The following ARHGAP26 variants were observed in gnomAD, a reference collection of about 807,000 sequenced individuals.
ARHGAP26 encodes rho GTPase-activating protein 26.
ARHGAP26 carries 38 observed loss-of-function variants against 104.8 expected under a neutral mutation model. The ratio of observed to expected loss-of-function variants is 0.36; its 90% CI spans 0.28 to 0.48. The LOEUF is 0.48. Among genes scored for constraint, ARHGAP26 ranks in the 20% least tolerant of loss-of-function variants. ARHGAP26 has a pLI of 0.99. For synonymous variants in ARHGAP26, 341 were observed against 340.0 expected (o/e 1.00, Z -0.03); for missense variants, 704 against 947.9 (o/e 0.74, Z 3.38).
chr5:142,888,887 C>T (rs577488153), intron 5 of ARHGAP26, among the ~76,000 whole-genome samples: 25 of 152,250 alleles, frequency 1.6e-4, no homozygotes, highest in African/African-American at 3.1e-4. Context: ...TTCCAAGAAA[C>T]GCAGAATGGT....
At chr5:143,056,201 G>A in intron 16 of ARHGAP26, 115 bp downstream of exon 16, 1 of 819,944 alleles carries the variant, frequency 1.2e-6, no homozygotes. Context: ...CACATAAACT[G>A]GCCACATAAC....
rs535618545 is a variant in ARHGAP26, at chr5:142,873,835, TA to T, written c.250+341del. 5.3e-3 allele frequency among the ~76,000 whole-genome samples: 805 copies of T among 152,154 alleles called. 6 individuals carry two copies. Among genetic ancestry groups the T allele is most frequent in the African/African-American group, 0.018 (761 of 41,510 alleles). The stretch of plus-strand genomic sequence containing the variant: ...GCTTAGAGCATATGTAGAACACAGG[TA>T]GATGAGGGGAAATTTAGATCAGAGG... On this transcript the variant is annotated intron_variant, in intron 2 of 22. Transcript: ENST00000645722.
chr5:142,894,748 C>A (rs573351571), intron 6 of ARHGAP26, among the ~76,000 whole-genome samples: 21 of 152,180 alleles, frequency 1.4e-4, no homozygotes, highest in Non-Finnish European at 2.8e-4. Flanking sequence ...TAGTAGTCAC[C>A]CAAAGACATA....
At position 143,056,058 on chromosome 5, in the gene ARHGAP26, G is replaced by A; in HGVS notation, c.1404G>A (p.Gln468=). The A allele has an allele frequency of 1.9e-6, 3 of 1,613,236 alleles. No homozygotes were observed. The highest frequency in any genetic ancestry group is 2.5e-6 in the Non-Finnish European group (3 of 1,179,602). The part of the protein sequence containing the change: ...RMLPGPLMMY[Q]FQRSFIKAAK... ...TTCCAGGACCACTCATGATGTACCA[G>A]TTTCAAAGAAGTTTCATCAAAGCAG... The change falls in exon 16 of 23, where the codon CAG becomes CAA. Residue 468 remains glutamine (Q), a synonymous_variant. Coordinates refer to ENST00000645722, the MANE Select transcript of ARHGAP26 (RefSeq NM_001135608.3).
intron 1 of ARHGAP26, among the ~76,000 whole-genome samples, chr5:142,803,861 G>C (rs539137487): frequency 8.5e-5 from 13 of 152,322 alleles, no homozygotes; most frequent in African/African-American, 3.1e-4. Context: ...GAAGTCAAAG[G>C]CCTGGTCCTT....
In ARHGAP26 at chr5:143,041,830, G is replaced by A; in HGVS notation, c.1225G>A (p.Gly409Arg). 1.2e-6 allele frequency: 2 copies of A among 1,606,644 alleles called. No homozygotes were observed. The highest frequency in any genetic ancestry group is 1.7e-6 in the Non-Finnish European group (2 of 1,176,266). The part of the protein sequence containing the change: ...AVETRGINEQ[G>R]LYRIVGVNSR... ...TCTTTCCTCAGGGATCAACGAGCAAGGGCTGTATCGAATTGTGGGTGTCAA... is the reference window on the plus strand; with the variant it reads ...TCTTTCCTCAGGGATCAACGAGCAAAGGCTGTATCGAATTGTGGGTGTCAA... The change falls in exon 14 of 23, where the codon GGG becomes AGG. Residue 409 changes from glycine to arginine, a missense_variant. Transcript: ENST00000645722.
chr5:142,887,241 A>T (rs1412169153), intron 5 of ARHGAP26, among the ~76,000 whole-genome samples: 1 of 152,188 alleles, frequency 6.6e-6, no homozygotes, highest in Admixed American at 6.5e-5. Context: ...GAATTACCAC[A>T]GTGTAGGGAC....
intron 1 of ARHGAP26, among the ~76,000 whole-genome samples, chr5:142,862,750 TC>T (rs1177396402): frequency 6.6e-6 from 1 of 152,244 alleles, no homozygotes; most frequent in Non-Finnish European, 1.5e-5. Context: ...GCAAGGCCTT[TC>T]TTTTACTTAT....
intron 11 of ARHGAP26, among the ~76,000 whole-genome samples, chr5:142,982,031 C>T (rs940284441): frequency 6.6e-6 from 1 of 152,228 alleles, no homozygotes; most frequent in African/African-American, 2.4e-5. Context: ...TTTTTTGCTG[C>T]TGCTGCATGT....
intron 11 of ARHGAP26, among the ~76,000 whole-genome samples, chr5:142,992,078 T>C (rs1775700887): frequency 6.6e-6 from 1 of 152,148 alleles, no homozygotes; most frequent in Admixed American, 6.5e-5. Flanking sequence ...TTTTTGAATA[T>C]TCCCTATGGT....
intron 18 of ARHGAP26, among the ~76,000 whole-genome samples, chr5:143,126,087 A>G (rs969000998): frequency 6.6e-6 from 1 of 152,232 alleles, no homozygotes; most frequent in African/African-American, 2.4e-5. Flanking sequence ...AGAACTAACT[A>G]TAATACAGTG....
chr5:143,048,083 A>G (rs553196010), intron 14 of ARHGAP26, among the ~76,000 whole-genome samples: 2 of 152,270 alleles, frequency 1.3e-5, no homozygotes, highest in East Asian at 1.9e-4. Flanking sequence ...TCCTGACCTC[A>G]AGTGATCCAC....
At chr5:143,115,942 ATAG>A (rs1795378091) in intron 17 of ARHGAP26, among the ~76,000 whole-genome samples, 2 of 152,212 alleles carry the variant, frequency 1.3e-5, no homozygotes, top group Non-Finnish European at 2.9e-5. Context: ...TATTTCTCAA[ATAG>A]TAGTTCACGG....
intron 17 of ARHGAP26, chr5:143,058,263 C>A: frequency 4.1e-6 from 1 of 246,590 alleles, no homozygotes. Context: ...AATAGACTCC[C>A]CTTTTTCTAC....
At chr5:142,872,980 A>G (rs1397411949) in intron 1 of ARHGAP26, among the ~76,000 whole-genome samples, 1 of 152,120 alleles carries the variant, frequency 6.6e-6, no homozygotes, top group East Asian at 1.9e-4. Flanking sequence ...CCTAGGGGAA[A>G]TTACTGTTGA....
chr5:142,906,066 T>G (rs1385797114), intron 8 of ARHGAP26, among the ~76,000 whole-genome samples: 1 of 152,028 alleles, frequency 6.6e-6, no homozygotes, highest in Non-Finnish European at 1.5e-5. Flanking sequence ...TATACAGTTT[T>G]CTTCAGCATG....
chr5:142,998,476 C>T (rs1776733459), intron 11 of ARHGAP26, among the ~76,000 whole-genome samples: 3 of 152,198 alleles, frequency 2.0e-5, no homozygotes, highest in Admixed American at 6.5e-5. Context: ...GCTTAGTCCA[C>T]TTGGTTGCCT....
chr5:142,803,807 G>T (rs1339212387), intron 1 of ARHGAP26, among the ~76,000 whole-genome samples: 1 of 152,168 alleles, frequency 6.6e-6, no homozygotes, highest in Non-Finnish European at 1.5e-5. Flanking sequence ...ATCCCATTCT[G>T]CATGCCAAGG....
intron 21 of ARHGAP26, chr5:143,207,512 C>G: frequency 6.2e-7 from 1 of 1,605,430 alleles, no homozygotes; most frequent in South Asian, 1.1e-5. Flanking sequence ...TCCCGTTTAT[C>G]CAAAGCTGGC....
Sources: gnomAD v4.1 joint callset for allele counts (sites outside exome capture counted in the v4.1 genomes callset) on GRCh38, gnomAD v4.1.1 for gene constraint, MANE v1.5 for transcripts, NCBI Gene and HGNC (gene_info 2026-07-23, HGNC 2026-07-21) for gene names.